The following KIAA0825 variants were observed in gnomAD, a reference collection of about 807,000 sequenced individuals.
KIAA0825 encodes uncharacterized protein KIAA0825.
KIAA0825 carries 119 observed loss-of-function variants against 147.6 expected under a neutral mutation model. The ratio of observed to expected loss-of-function variants is 0.81; its 90% CI spans 0.69 to 0.94. The LOEUF (loss-of-function observed/expected upper bound fraction) is 0.94, where lower values mean the gene tolerates loss of function less well. KIAA0825 is among the 40% of genes least tolerant of loss of function. KIAA0825 has a pLI of 0.00. For synonymous variants in KIAA0825, 470 were observed against 518.1 expected (o/e 0.91, Z 1.26); for missense variants, 1,381 against 1,472.7 (o/e 0.94, Z 1.02).
intron 20 of KIAA0825, among the ~76,000 whole-genome samples, chr5:94,341,227 T>G (rs1162887882): frequency 1.3e-5 from 2 of 152,242 alleles, no homozygotes; most frequent in East Asian, 3.8e-4. Context: ...TAAAAATATG[T>G]GAAGTGCCAC....
chr5:94,208,095 C>T (rs1402672191), intron 20 of KIAA0825, among the ~76,000 whole-genome samples: 1 of 152,092 alleles, frequency 6.6e-6, no homozygotes, highest in Admixed American at 6.5e-5. Flanking sequence ...AATTAATACA[C>T]TTTACATATC....
chr5:94,558,841 C>T (rs1037161340), intron 2 of KIAA0825, among the ~76,000 whole-genome samples: 1 of 152,138 alleles, frequency 6.6e-6, no homozygotes, highest in African/African-American at 2.4e-5. Flanking sequence ...TTCCCTATAC[C>T]GGGAAGAAAG....
chr5:94,476,401 T>C (rs1761897971), intron 7 of KIAA0825, among the ~76,000 whole-genome samples: 2 of 152,154 alleles, frequency 1.3e-5, no homozygotes, highest in African/African-American at 4.8e-5. Context: ...GAAGAGTAGC[T>C]CCTGGGGCTA....
chr5:94,429,126 A>G (rs1004279581), intron 14 of KIAA0825, among the ~76,000 whole-genome samples: 10 of 152,068 alleles, frequency 6.6e-5, no homozygotes, highest in Non-Finnish European at 1.0e-4. Context: ...TTGATTTTCA[A>G]TCTTGTCTTG....
intron 18 of KIAA0825, among the ~76,000 whole-genome samples, chr5:94,390,365 G>GCA (rs1749737020): frequency 6.6e-6 from 1 of 152,172 alleles, no homozygotes; most frequent in Admixed American, 6.5e-5. Context: ...ATGGCCAAGT[G>GCA]CACATACCAA....
At chr5:94,510,489 T>C (rs1309839716) in intron 5 of KIAA0825, among the ~76,000 whole-genome samples, 2 of 152,168 alleles carry the variant, frequency 1.3e-5, no homozygotes, top group Non-Finnish European at 2.9e-5. Context: ...CAAACATTGA[T>C]AGGTTTTGTT....
At chr5:94,389,845 G>T (rs1489984054) in intron 18 of KIAA0825, among the ~76,000 whole-genome samples, 2 of 152,116 alleles carry the variant, frequency 1.3e-5, no homozygotes, top group African/African-American at 4.8e-5. Flanking sequence ...ACCTTTCTTT[G>T]CCTCTAGCCT....
intron 2 of KIAA0825, chr5:94,569,815 C>T (rs1390250574): frequency 5.1e-6 from 1 of 194,286 alleles, no homozygotes; most frequent in Non-Finnish European, 1.0e-5. Context: ...TATTCTTCAT[C>T]TGCCTCTTCC....
At chr5:94,250,410 C>T (rs1476187215) in intron 20 of KIAA0825, among the ~76,000 whole-genome samples, 1 of 152,092 alleles carries the variant, frequency 6.6e-6, no homozygotes, top group Non-Finnish European at 1.5e-5. Flanking sequence ...GACATTATTA[C>T]ATGCTATGAG....
At chr5:94,214,985 A>G (rs1773072692) in intron 20 of KIAA0825, among the ~76,000 whole-genome samples, 1 of 152,246 alleles carries the variant, frequency 6.6e-6, no homozygotes, top group Non-Finnish European at 1.5e-5. Context: ...AAAATATTAA[A>G]GTGACATTAA....
intron 12 of KIAA0825, among the ~76,000 whole-genome samples, chr5:94,454,405 CT>C (rs1354447794): frequency 1.3e-5 from 2 of 152,192 alleles, no homozygotes; most frequent in East Asian, 1.9e-4. Flanking sequence ...TTCTCTCCCC[CT>C]GGTTGTCTTG....
At chr5:94,569,641 C>A (rs1359452253) in intron 2 of KIAA0825, 1 of 360,010 alleles carries the variant, frequency 2.8e-6, no homozygotes. Context: ...GAAACCTCGG[C>A]TCACTTCTTG....
At position 94,464,941 on chromosome 5, in the gene KIAA0825, TC is replaced by T. The variant is rs1347002892; in HGVS notation, c.1990del (p.Glu664ArgfsTer4). On this transcript the variant is annotated frameshift_variant, in exon 11 of 21. Transcript: ENST00000682413. LOFTEE classifies it high-confidence loss of function. ...GGAGGCCAGTAGACTCAAAGATTTC[TC>T]CAGCACTTCCACTAGAATCTCCTGG... Reference protein sequence around the residue: ...LAQEILVEVLEKSLSLLASRY... With the variant: ...LAQEILVEVLXKSLSLLASRY... The T allele has an allele frequency of 6.4e-7, 1 of 1,551,712 alleles. No individual in the cohort carries two copies. The highest frequency in any genetic ancestry group is 2.0e-5 in the Admixed American group (1 of 50,998).
At chr5:94,582,099 A>G (rs540502940) in intron 2 of KIAA0825, among the ~76,000 whole-genome samples, 1 of 152,378 alleles carries the variant, frequency 6.6e-6, no homozygotes, top group South Asian at 2.1e-4. Flanking sequence ...AAGTAAAGTC[A>G]GTTAGTGGTG....
chr5:94,429,450 G>A (rs537675968), intron 14 of KIAA0825, among the ~76,000 whole-genome samples: 1 of 151,216 alleles, frequency 6.6e-6, no homozygotes, highest in Admixed American at 6.6e-5. Flanking sequence ...TTTTGGCTTT[G>A]CTTCTATAGA....
intron 20 of KIAA0825, among the ~76,000 whole-genome samples, chr5:94,214,389 T>C (rs1005555213): frequency 1.1e-4 from 16 of 152,200 alleles, no homozygotes; most frequent in African/African-American, 3.9e-4. Context: ...AATAGACTTA[T>C]TCATTGAGGC....
At chr5:94,464,647 T>G (rs1760260069) in intron 11 of KIAA0825, among the ~76,000 whole-genome samples, 1 of 152,190 alleles carries the variant, frequency 6.6e-6, no homozygotes, top group Non-Finnish European at 1.5e-5. Context: ...TAGCAACAAG[T>G]GGGTTCTATA....
intron 5 of KIAA0825, 99 bp downstream of exon 5, chr5:94,520,149 T>C: frequency 7.6e-7 from 1 of 1,310,196 alleles, no homozygotes; most frequent in Non-Finnish European, 9.9e-7. Flanking sequence ...CTAATTTTCA[T>C]GTTTGCAGTG....
chr5:94,529,965 C>T (rs527403074), intron 3 of KIAA0825, among the ~76,000 whole-genome samples: 1 of 152,120 alleles, frequency 6.6e-6, no homozygotes, highest in Admixed American at 6.5e-5. Context: ...AAATCAAAAG[C>T]CTTTTTTAAA....
Sources: gnomAD v4.1 joint callset for allele counts (sites outside exome capture counted in the v4.1 genomes callset) on GRCh38, gnomAD v4.1.1 for gene constraint, MANE v1.5 for transcripts, NCBI Gene and HGNC (gene_info 2026-07-23, HGNC 2026-07-21) for gene names.